CHLSN: variants seen among roughly 807,000 people sequenced by gnomAD.
CHLSN encodes the protein protein cholesin.
the CHLSN span, among the ~76,000 whole-genome samples, chr7:983,700 C>T: frequency 6.6e-6 from 1 of 152,248 alleles, no homozygotes; most frequent in African/African-American, 2.4e-5. Context: ...GGCTTAGGGA[C>T]AGCAGAGGGG....
chr7:1,092,712 G>C, the CHLSN span: 1 of 1,613,500 alleles, frequency 6.2e-7, no homozygotes, highest in South Asian at 1.1e-5. Context: ...GCTTTCTCGG[G>C]GAGACCTTCA....
chr7:1,051,038 G>A, the CHLSN span, among the ~76,000 whole-genome samples: 12,975 of 152,266 alleles, frequency 0.085, 695 homozygotes, highest in South Asian at 0.13. Flanking sequence ...GCGCAGCCCC[G>A]CAGATGGCTG....
At chr7:1,040,183 T>TAA in the CHLSN span, among the ~76,000 whole-genome samples, 3 of 74,530 alleles carry the variant, frequency 4.0e-5, no homozygotes, top group African/African-American at 4.5e-5. Flanking sequence ...AAAATAAATT[T>TAA]AAAAAAAAAA....
At chr7:1,016,713 GCACAGCAGCA>G in the CHLSN span, among the ~76,000 whole-genome samples, 2,823 of 92,764 alleles carry the variant, frequency 0.03, 181 homozygotes, top group Non-Finnish European at 0.041. Flanking sequence ...ACACGCCAGC[GCACAGCAGCA>G]CACAGCAGCA....
chr7:1,007,753 G>T, the CHLSN span, among the ~76,000 whole-genome samples: 1 of 152,174 alleles, frequency 6.6e-6, no homozygotes, highest in African/African-American at 2.4e-5. Flanking sequence ...GCCGCTGGGG[G>T]GTTGCGAGTA....
At chr7:993,201 A>C in the CHLSN span, among the ~76,000 whole-genome samples, 2 of 152,126 alleles carry the variant, frequency 1.3e-5, no homozygotes, top group East Asian at 3.9e-4. Flanking sequence ...CCTGACCCAG[A>C]CAGGGCAGGG....
At chr7:1,086,531 G>C in the CHLSN span, among the ~76,000 whole-genome samples, 3 of 152,218 alleles carry the variant, frequency 2.0e-5, no homozygotes, top group African/African-American at 7.2e-5. Context: ...GGAAATGTGT[G>C]TATATTTCCT....
chr7:1,131,018 C>T, the CHLSN span, among the ~76,000 whole-genome samples: 57 of 151,994 alleles, frequency 3.8e-4, no homozygotes, highest in Non-Finnish European at 7.2e-4. Flanking sequence ...CGAGGCTCCA[C>T]GTCTACAAAA....
the CHLSN span, chr7:988,532 C>A: frequency 2.5e-6 from 4 of 1,596,448 alleles, no homozygotes; most frequent in South Asian, 1.1e-5. Context: ...GTTCTGAAGG[C>A]GGCTGTGGTG....
At chr7:1,119,666 C>G in the CHLSN span, among the ~76,000 whole-genome samples, 1 of 152,170 alleles carries the variant, frequency 6.6e-6, no homozygotes, top group Non-Finnish European at 1.5e-5. Flanking sequence ...CACCTGAGGT[C>G]AGGAGTTCAA....
the CHLSN span, among the ~76,000 whole-genome samples, chr7:1,034,842 T>C: frequency 2.7e-4 from 40 of 145,730 alleles, no homozygotes; most frequent in African/African-American, 1.1e-3. Flanking sequence ...GTTCCCTTCT[T>C]TGTGCTCATG....
chr7:1,040,698 A>C, the CHLSN span, among the ~76,000 whole-genome samples: 2 of 152,042 alleles, frequency 1.3e-5, no homozygotes, highest in African/African-American at 4.8e-5. Context: ...AACAAAAAAA[A>C]AAAAAAGGAT....
At chr7:994,804 A>ATATCTACTG in the CHLSN span, among the ~76,000 whole-genome samples, 1 of 152,244 alleles carries the variant, frequency 6.6e-6, no homozygotes, top group Non-Finnish European at 1.5e-5. Context: ...ACTGCAGGGG[A>ATATCTACTG]CATTTCTCCC....
At chr7:1,058,368 G>A in the CHLSN span, 1 of 780,136 alleles carries the variant, frequency 1.3e-6, no homozygotes, top group Non-Finnish European at 2.4e-6. Flanking sequence ...CAAACTCCTG[G>A]CCTTCTCCAG....
chr7:1,098,436 C>G, the CHLSN span, among the ~76,000 whole-genome samples: 2 of 152,258 alleles, frequency 1.3e-5, no homozygotes, highest in Admixed American at 1.3e-4. Flanking sequence ...GAATATTACT[C>G]TGCCATGAAA....
the CHLSN span, among the ~76,000 whole-genome samples, chr7:1,070,579 C>A: frequency 6.7e-6 from 1 of 149,910 alleles, no homozygotes; most frequent in East Asian, 2.0e-4. Flanking sequence ...CGCAAACACG[C>A]ACACACGGAC....
At chr7:1,102,436 C>T in the CHLSN span, among the ~76,000 whole-genome samples, 2 of 152,248 alleles carry the variant, frequency 1.3e-5, no homozygotes, top group African/African-American at 4.8e-5. Flanking sequence ...CGCTCATCCA[C>T]GACTGTGAAG....
the CHLSN span, among the ~76,000 whole-genome samples, chr7:1,109,834 C>T: frequency 6.6e-6 from 1 of 152,194 alleles, no homozygotes; most frequent in Non-Finnish European, 1.5e-5. Flanking sequence ...GGGTGACTTT[C>T]GGTCCAGATG....
chr7:1,023,668 CACACACA>C, the CHLSN span, among the ~76,000 whole-genome samples: 52 of 99,590 alleles, frequency 5.2e-4, no homozygotes, highest in African/African-American at 1.6e-3. This position sits in a 1 kb window ranked among gnomAD's most constrained non-coding sequence, Gnocchi z 5.0. Context: ...CACACACACA[CACACACA>C]CACCAGCAAC....
Sources: allele counts gnomAD v4.1 joint callset (sites outside exome capture counted in the v4.1 genomes callset), GRCh38; gene constraint gnomAD v4.1.1; non-coding constraint Gnocchi (gnomAD v3.1); transcripts MANE v1.5; gene names NCBI Gene and HGNC (gene_info 2026-07-23, HGNC 2026-07-21).